WDR86: variants seen among roughly 807,000 people sequenced by gnomAD.
The protein encoded by WDR86 is WD repeat-containing protein 86.
WDR86 carries 30 observed loss-of-function variants against 36.5 expected under a neutral mutation model. The observed-to-expected ratio is 0.82, with a 90% CI of 0.61 to 1.11. The LOEUF (loss-of-function observed/expected upper bound fraction) is 1.11. Among genes scored for constraint, WDR86 ranks in the 50% most tolerant of loss-of-function variants. The probability of loss-of-function intolerance (pLI) is 0.00; values close to 1 mark genes in which losing one functional copy is unlikely to be tolerated. For synonymous variants in WDR86, 255 were observed against 252.9 expected, an observed-to-expected ratio of 1.01 and a Z score of -0.08; for missense variants, 545 against 561.2, an observed-to-expected ratio of 0.97 and a Z score of 0.29.
At chr7:151,374,510 G>A, downstream of WDR86, 1 of 554,318 alleles carries the variant, frequency 1.8e-6, no homozygotes, top group Non-Finnish European at 3.2e-6. Context: ...AGGACTTTGT[G>A]TAGGGTTTCT....
At chr7:151,403,920 G>C (rs992557896) in intron 1 of WDR86, among the ~76,000 whole-genome samples, 1 of 152,182 alleles carries the variant, frequency 6.6e-6, no homozygotes, top group Non-Finnish European at 1.5e-5. Context: ...ACCTGCCTAA[G>C]GATCCTGTGG....
chr7:151,408,194 CTTTTCTTT>C (rs1190347920), intron 1 of WDR86, among the ~76,000 whole-genome samples: 4 of 124,672 alleles, frequency 3.2e-5, no homozygotes, highest in Admixed American at 2.3e-4. Flanking sequence ...TTTTTCTTTT[CTTTTCTTT>C]TTTTTTTTTT....
In WDR86 at chr7:151,396,046, G is replaced by T; in HGVS notation, c.456C>A (p.Pro152=). The change falls in exon 3 of 6, where the codon CCC becomes CCA. Residue 152 remains proline, a synonymous_variant. Transcript: ENST00000334493. ...CGGCCTCCTCCGCGCAGGGAGTGCT[G>T]GGGAGGTCCCACGGGGCAGAGTAGG... ...TLAYSAPWDL[P]STPCAEEAAA... 1 of 1,611,372 alleles carries T rather than the reference G, an allele frequency of 6.2e-7. No individual in the cohort carries two copies.
downstream of WDR86, chr7:151,376,436 C>A: frequency 1.7e-6 from 1 of 574,910 alleles, no homozygotes; most frequent in Non-Finnish European, 3.0e-6. Context: ...CCCTGACGCA[C>A]CCGACTTGAG....
chr7:151,395,776 C>T lies in WDR86; in HGVS notation c.726G>A (p.Glu242=), dbSNP rs1307047035. The T allele has an allele frequency of 2.6e-6, 4 of 1,553,748 alleles. No homozygotes were observed. Among genetic ancestry groups the T allele is most frequent in the Non-Finnish European group, 3.5e-6 (4 of 1,150,528 alleles). The part of the protein sequence containing the change: ...REHRGSVICL[E]LVNRLVYSGS... The stretch of plus-strand genomic sequence containing the variant: ...TGGGCGGGGACCAGGACAGTCTCAC[C>T]TCCAGACAGATGACGGAGCCCCGGT... The change falls in exon 3 of 6, where the codon GAG becomes GAA. Residue 242 remains glutamate (E), a splice_region_variant and synonymous_variant. Transcript: ENST00000334493.
upstream of WDR86, chr7:151,410,096 C>T (rs898945104): frequency 3.6e-5 from 35 of 985,174 alleles, no homozygotes; most frequent in Non-Finnish European, 4.0e-5. Context: ...ACTTCTCGGG[C>T]TGCGCCCCAG....
intron 3 of WDR86, among the ~76,000 whole-genome samples, chr7:151,389,805 C>T (rs543158748): frequency 2.1e-4 from 32 of 152,306 alleles, no homozygotes; most frequent in African/African-American, 5.5e-4. Flanking sequence ...TCATAGACCA[C>T]GGGTCAGTGA....
At chr7:151,374,608 T>C (rs1285305200), downstream of WDR86, 1 of 296,256 alleles carries the variant, frequency 3.4e-6, no homozygotes, top group Non-Finnish European at 6.4e-6. Context: ...TGTTTGGCAT[T>C]AAAATTTTAA....
Position 151,409,904 on chromosome 7 carries a change from C to T in WDR86, c.-315G>A. 8.9e-7 allele frequency: 1 copy of T among 1,120,318 alleles called. No homozygotes were observed. Among genetic ancestry groups the T allele is most frequent in the Non-Finnish European group, 1.1e-6 (1 of 917,050 alleles). 69.4% of individuals were successfully genotyped at this position (1,120,318 alleles called of 1,614,324 possible). On this transcript the variant is annotated 5_prime_UTR_variant, in exon 1 of 6. Transcript: ENST00000334493. This position sits in a 1 kb window ranked among gnomAD's most constrained non-coding sequence, Gnocchi z 5.2. ...CTCGGAGGATCCACACCCCACCGGGCGAACAAGGCAGCTGCGTCTCTGGTG... is the reference window on the plus strand; with the variant it reads ...CTCGGAGGATCCACACCCCACCGGGTGAACAAGGCAGCTGCGTCTCTGGTG...
Position 151,410,020 on chromosome 7 carries a change from G to T in WDR86, c.-431C>A. On this transcript the variant is annotated 5_prime_UTR_variant, in exon 1 of 6. Coordinates refer to ENST00000334493, the MANE Select transcript of WDR86 (RefSeq NM_198285.3). ...CGAGCGCCCCGCGCCCTCCCCGGCCGAGCGCGGAACAATACGGTCCAGCCT... is the reference window on the plus strand; with the variant it reads ...CGAGCGCCCCGCGCCCTCCCCGGCCTAGCGCGGAACAATACGGTCCAGCCT... 5.0e-6 allele frequency: 5 copies of T among 993,900 alleles called. No individual in the cohort carries two copies. The highest frequency in any genetic ancestry group is 6.0e-6 in the Non-Finnish European group (5 of 836,006). 61.6% of individuals were successfully genotyped at this position (993,900 alleles called of 1,614,324 possible). A position where few individuals can be genotyped will look rare whatever the true frequency, so the allele number is the denominator to read the frequency against.
intron 3 of WDR86, among the ~76,000 whole-genome samples, chr7:151,392,676 G>A (rs774803783): frequency 2.0e-5 from 3 of 152,252 alleles, no homozygotes; most frequent in South Asian, 2.1e-4. Context: ...CGGGGCCACC[G>A]GCCGCCCAGG....
chr7:151,397,701 TGGGAGGAAGGGCATAGC>T (rs1585030415), intron 2 of WDR86, among the ~76,000 whole-genome samples: 2 of 34,878 alleles, frequency 5.7e-5, no homozygotes, highest in East Asian at 1.2e-3. Flanking sequence ...GAGGGTGTAG[TGGGAGGAAGGGCATAGC>T]GGGAGGAAGA....
At position 151,409,342 on chromosome 7, in the gene WDR86, G is replaced by C. The variant is rs556362859; in HGVS notation, c.163+85C>G. On this transcript the variant is annotated intron_variant, in intron 1 of 5. Transcript: ENST00000334493. The surrounding 1 kb of genome is among the most constrained non-coding windows in gnomAD (Gnocchi z 5.2). ...AGCGGGGGCTGGACTTCTAGAAAGGGGTCTGCGGGCGCAGGAGCTGGGGTC... is the reference window on the plus strand; with the variant it reads ...AGCGGGGGCTGGACTTCTAGAAAGGCGTCTGCGGGCGCAGGAGCTGGGGTC... The C allele has an allele frequency of 1.0e-5, 16 of 1,524,336 alleles. No individual in the cohort carries two copies. In the East Asian group the frequency reaches 4.0e-4, roughly 38 times the overall value. The allele number at this position is 1,524,336 out of a possible 1,614,324, so 94.4% of individuals were successfully genotyped here.
chr7:151,375,478 A>G (rs1016614588), downstream of WDR86, among the ~76,000 whole-genome samples: 2 of 152,210 alleles, frequency 1.3e-5, no homozygotes, highest in Admixed American at 1.3e-4. Flanking sequence ...TACCTGCCTG[A>G]CATTTTAAGT....
the WDR86 span, chr7:151,369,029 ACAGAGTCTCACTTTGTCATC>A: frequency 1.0e-6 from 1 of 959,796 alleles, no homozygotes; most frequent in East Asian, 2.9e-5. Flanking sequence ...TTTTCTTGAG[ACAGAGTCTCACTTTGTCATC>A]CAGGCTGGAG....
In WDR86 at chr7:151,389,721, C is replaced by T. The variant is rs144082050; in HGVS notation, c.727-4498G>A. ...CTCAGGTGCACCCACCAGGCCTGTACGCATAGGAGAAGGACGCCTGGAAGT... is the reference window on the plus strand; with the variant it reads ...CTCAGGTGCACCCACCAGGCCTGTATGCATAGGAGAAGGACGCCTGGAAGT... On this transcript the variant is annotated intron_variant, in intron 3 of 5. Coordinates refer to ENST00000334493, the MANE Select transcript of WDR86 (RefSeq NM_198285.3). Among the ~76,000 whole-genome samples the T allele has an allele frequency of 1.2e-4, 19 of 152,218 alleles. No individual in the cohort carries two copies. The East Asian group carries it at 3.1e-3, about 25-fold the overall frequency.
chr7:151,377,077 T>C (rs1433534748), downstream of WDR86: 25 of 1,573,284 alleles, frequency 1.6e-5, no homozygotes, highest in Non-Finnish European at 2.0e-5. Context: ...GACGAAGACA[T>C]GGAGACAGAG....
At chr7:151,376,961 G>A, downstream of WDR86, 1 of 1,406,734 alleles carries the variant, frequency 7.1e-7, no homozygotes. Context: ...CCAGCAAGAG[G>A]CACAGTCTGA....
downstream of WDR86, chr7:151,375,804 A>T (rs1386534754): frequency 7.7e-7 from 1 of 1,302,732 alleles, no homozygotes; most frequent in Non-Finnish European, 1.1e-6. Context: ...TGAATGTGTG[A>T]AGAGTTCTTA....
Sources: allele counts gnomAD v4.1 joint callset (sites outside exome capture counted in the v4.1 genomes callset), GRCh38; gene constraint gnomAD v4.1.1; non-coding constraint Gnocchi (gnomAD v3.1); transcripts MANE v1.5; gene names NCBI Gene and HGNC (gene_info 2026-07-23, HGNC 2026-07-21).